The following PREX1 variants were observed in gnomAD, a reference collection of about 807,000 sequenced individuals.
PREX1 encodes the protein phosphatidylinositol-3,4,5-trisphosphate dependent Rac exchange factor 1.
A neutral mutation model predicts 198.3 loss-of-function variants in PREX1; 41 were observed. The ratio of observed to expected loss-of-function variants is 0.21; its 90% CI spans 0.16 to 0.27. The LOEUF (loss-of-function observed/expected upper bound fraction) is 0.27. PREX1 is among the 10% of genes least tolerant of loss of function. The pLI, the probability that PREX1 is intolerant of heterozygous loss-of-function variation, is 1.00. For missense variants in PREX1, 1,620 were observed against 2,200.7 expected (o/e 0.74, Z 5.28); for synonymous variants, 843 against 887.2 (o/e 0.95, Z 0.89).
chr20:48,769,573 C>G (rs983850617), intron 1 of PREX1, among the ~76,000 whole-genome samples: 7 of 152,156 alleles, frequency 4.6e-5, no homozygotes, highest in African/African-American at 1.7e-4. Context: ...CTACGCAACT[C>G]CCTTCTCCCT....
chr20:48,705,232 A>G (rs1348766576), intron 6 of PREX1, among the ~76,000 whole-genome samples: 1 of 152,168 alleles, frequency 6.6e-6, no homozygotes, highest in Non-Finnish European at 1.5e-5. Context: ...TCATTCACTC[A>G]CTTGCAAGGT....
Position 48,632,328 on chromosome 20 carries a change from T to C in PREX1, c.4475A>G (p.Asp1492Gly), listed in dbSNP as rs1179481612. The change falls in exon 35 of 40, where the codon GAC becomes GGC. Residue 1492 changes from aspartate (D) to glycine (G), a missense_variant. Around this residue, in one of 7 missense-constraint regions of PREX1, gnomAD observed 476 missense variants for 603.4 expected, o/e 0.79. Transcript: ENST00000371941. ...GSQAAEDLQQ[D>G]INAQSLEKVQ... is the part of the protein sequence containing the mutation. Reference sequence around the variant, plus strand: ...TTTCTCCAGGGACTGCGCGTTGATGTCCTGCTGCAAATCCTCCGCGGCCTG... The same window carrying C: ...TTTCTCCAGGGACTGCGCGTTGATGCCCTGCTGCAAATCCTCCGCGGCCTG... The C allele has an allele frequency of 3.7e-6, 6 of 1,613,984 alleles. No individual in the cohort carries two copies. Among genetic ancestry groups the C allele is most frequent in the Admixed American group, 1.7e-5 (1 of 60,010 alleles).
In PREX1 at chr20:48,639,784, T is replaced by C. The variant is rs1317823589; in HGVS notation, c.3886A>G (p.Ile1296Val). Residue 1296 changes from isoleucine (I) to valine (V), a missense_variant, in exon 30 of 40, where the codon ATT becomes GTT. Physicochemically the swap from Ile to Val is conservative, Grantham distance 29 (BLOSUM62 3). This residue lies in a region of PREX1 where 476 missense variants were observed against 603.4 expected (regional missense o/e 0.79). Transcript: ENST00000371941. ...PNSIKTLVDN[I>V]QRYVEDGKNQ... ...CACCGACCTTCCACATATCTCTGAA[T>C]GTTGTCCACCAGGGTCTTGATGGAG... 1.9e-6 allele frequency: 3 copies of C among 1,614,044 alleles called. No individual in the cohort carries two copies. Among genetic ancestry groups the C allele is most frequent in the South Asian group, 1.1e-5 (1 of 91,072 alleles).
At chr20:48,832,164 A>C (rs902519422), upstream of PREX1, among the ~76,000 whole-genome samples, 5 of 152,028 alleles carry the variant, frequency 3.3e-5, no homozygotes, top group Non-Finnish European at 7.4e-5. Context: ...GATGATAATG[A>C]TAGGGAAATT....
At chr20:48,714,608 C>A (rs1459899335) in intron 5 of PREX1, among the ~76,000 whole-genome samples, 1 of 152,112 alleles carries the variant, frequency 6.6e-6, no homozygotes, top group African/African-American at 2.4e-5. Flanking sequence ...ACATGAATAA[C>A]AACTGTTGGT....
In PREX1 at chr20:48,782,808, G is replaced by T. The variant is rs148822711; in HGVS notation, c.220-34928C>A. On this transcript the variant is annotated intron_variant, in intron 1 of 39. Coordinates refer to ENST00000371941, the MANE Select transcript of PREX1 (RefSeq NM_020820.4). Reference sequence around the variant, plus strand: ...GCAGCAGGCTCAATAAAGGATTCTCGCTCTCACTGCAGTGTGATGAGGAGT... The same window carrying T: ...GCAGCAGGCTCAATAAAGGATTCTCTCTCTCACTGCAGTGTGATGAGGAGT... Among the ~76,000 whole-genome samples, 9 of 152,288 alleles carry T rather than the reference G, an allele frequency of 5.9e-5. No individual in the cohort carries two copies. In the South Asian group the frequency reaches 1.7e-3, roughly 28 times the overall value.
intron 1 of PREX1, among the ~76,000 whole-genome samples, chr20:48,798,933 G>A (rs2090374354): frequency 6.6e-6 from 1 of 152,164 alleles, no homozygotes; most frequent in Non-Finnish European, 1.5e-5. Flanking sequence ...GTCTCGCTCT[G>A]TCGCCTAGGC....
intron 16 of PREX1, 143 bp downstream of exon 16, chr20:48,659,776 G>T: frequency 8.7e-7 from 1 of 1,152,394 alleles, no homozygotes; most frequent in South Asian, 1.5e-5. Flanking sequence ...TCTTGGCAGA[G>T]TTGCCCCCTA....
intron 1 of PREX1, among the ~76,000 whole-genome samples, chr20:48,816,059 G>T (rs1255835751): frequency 6.6e-6 from 1 of 151,282 alleles, no homozygotes; most frequent in Non-Finnish European, 1.5e-5. Flanking sequence ...GAGAGATGCT[G>T]GGGGTCTGTG....
intron 14 of PREX1, among the ~76,000 whole-genome samples, chr20:48,672,120 G>T (rs1387628097): frequency 6.6e-6 from 1 of 152,202 alleles, no homozygotes; most frequent in Admixed American, 6.5e-5. Flanking sequence ...ACTGGAAGTG[G>T]CTTTTACTGG....
At chr20:48,813,569 G>A (rs762505790) in intron 1 of PREX1, among the ~76,000 whole-genome samples, 15 of 152,194 alleles carry the variant, frequency 9.9e-5, no homozygotes, top group Non-Finnish European at 5.9e-5. Flanking sequence ...GTCTTCCTAA[G>A]TGATGCATGC....
chr20:48,787,128 C>T (rs909534042), intron 1 of PREX1, among the ~76,000 whole-genome samples: 4 of 152,144 alleles, frequency 2.6e-5, no homozygotes, highest in African/African-American at 9.7e-5. Flanking sequence ...ATTCCTGACA[C>T]CCTCCTTCCT....
intron 7 of PREX1, among the ~76,000 whole-genome samples, chr20:48,694,941 G>T (rs1383698160): frequency 6.6e-6 from 1 of 151,922 alleles, no homozygotes; most frequent in Non-Finnish European, 1.5e-5. Flanking sequence ...AAGGATGAGG[G>T]TGTGTATGTG....
At chr20:48,729,467 GC>G (rs1168043414) in intron 4 of PREX1, among the ~76,000 whole-genome samples, 2 of 151,848 alleles carry the variant, frequency 1.3e-5, no homozygotes, top group East Asian at 1.9e-4. Flanking sequence ...AGTCTCTGCT[GC>G]CCCCCCAATG....
rs1172622494 is a variant in PREX1 at position 48,696,995 on chromosome 20, CA to C, written c.917+3757del. Among the ~76,000 whole-genome samples, 425 of 152,150 alleles carry C rather than the reference CA, an allele frequency of 2.8e-3. 1 individual carries two copies. The highest frequency in any genetic ancestry group is 9.6e-3 in the African/African-American group (398 of 41,484). ...ATCTCTTTACACACACACACACACA[CA>C]CACACACCCTATTGGGTCTATCTGG... On this transcript the variant is annotated intron_variant, in intron 7 of 39. Transcript: ENST00000371941.
At position 48,653,601 on chromosome 20, in the gene PREX1, G is replaced by A. The variant is rs944033917; in HGVS notation, c.2210-104C>T. 23 of 1,427,012 alleles carry A rather than the reference G, an allele frequency of 1.6e-5. No homozygotes were observed. In the African/African-American group the frequency reaches 2.1e-4, roughly 13 times the overall value. 88.4% of individuals were successfully genotyped at this position (1,427,012 alleles called of 1,614,324 possible). On this transcript the variant is annotated intron_variant, in intron 19 of 39. Transcript: ENST00000371941. ...CCACTGCAACCCCAGACACGCGCAA[G>A]GACTCCACCTCCACCCCTCCCACCC...
chr20:48,759,549 C>CAAA (rs386393896), intron 1 of PREX1, among the ~76,000 whole-genome samples: 895 of 73,772 alleles, frequency 0.012, 21 homozygotes, highest in Non-Finnish European at 0.015. Flanking sequence ...GATTCCATCT[C>CAAA]AAAAAAAAAA....
At chr20:48,810,678 A>G (rs2090430102) in intron 1 of PREX1, among the ~76,000 whole-genome samples, 1 of 151,706 alleles carries the variant, frequency 6.6e-6, no homozygotes, top group Non-Finnish European at 1.5e-5. Context: ...TCTCAGATCA[A>G]GAGTTTGAGA....
chr20:48,852,348 G>A, the PREX1 span, among the ~76,000 whole-genome samples: 2 of 152,000 alleles, frequency 1.3e-5, no homozygotes, highest in Non-Finnish European at 2.9e-5. Context: ...CATGGTGCTG[G>A]AGGCGGAATT....
Sources: gnomAD v4.1 joint callset for allele counts (sites outside exome capture counted in the v4.1 genomes callset) on GRCh38, gnomAD v4.1.1 for gene constraint, gnomAD v4.1.1 regional missense constraint, MANE v1.5 for transcripts, NCBI Gene and HGNC (gene_info 2026-07-23, HGNC 2026-07-21) for gene names.